Variants in AGMO observed in about 807,000 individuals in gnomAD.
AGMO encodes the protein glyceryl-ether monooxygenase.
A neutral mutation model predicts 60.2 loss-of-function variants in AGMO; 75 were observed. The observed-to-expected ratio is 1.25, with a 90% CI of 1.03 to 1.51. The LOEUF (loss-of-function observed/expected upper bound fraction) is 1.51, where lower values mean the gene tolerates loss of function less well. Ranked by LOEUF, AGMO falls within the 40% of genes most tolerant of loss-of-function variation. The pLI, the probability that AGMO is intolerant of heterozygous loss-of-function variation, is 0.00. For missense variants in AGMO, 763 were observed against 525.5 expected, an observed-to-expected ratio of 1.45 and a Z score of -4.42; for synonymous variants, 261 against 177.1, an observed-to-expected ratio of 1.47 and a Z score of -3.76.
chr7:15,368,578 G>A (rs540088250), intron 10 of AGMO, among the ~76,000 whole-genome samples: 5 of 152,096 alleles, frequency 3.3e-5, no homozygotes, highest in Non-Finnish European at 7.4e-5. Flanking sequence ...ATACGCGTTT[G>A]GCAAGGACTG....
intron 12 of AGMO, among the ~76,000 whole-genome samples, chr7:15,210,871 G>T (rs769067207): frequency 6.6e-6 from 1 of 152,024 alleles, no homozygotes; most frequent in Non-Finnish European, 1.5e-5. Flanking sequence ...AAAAGCAGCA[G>T]AGAAAATATT....
At chr7:15,255,812 A>G (rs1158110142) in intron 12 of AGMO, among the ~76,000 whole-genome samples, 3 of 152,210 alleles carry the variant, frequency 2.0e-5, no homozygotes, top group Non-Finnish European at 4.4e-5. Flanking sequence ...GTAGGTAGGT[A>G]CAGAAAAGGA....
intron 3 of AGMO, among the ~76,000 whole-genome samples, chr7:15,529,061 A>C (rs1562554286): frequency 6.6e-6 from 1 of 152,274 alleles, no homozygotes; most frequent in Non-Finnish European, 1.5e-5. Context: ...GTGGATAAAC[A>C]TTGATTTGAT....
Position 15,306,514 on chromosome 7 carries a change from C to T in AGMO, c.1263+59000G>A, listed in dbSNP as rs190720862. On this transcript the variant is annotated intron_variant, in intron 12 of 12. Coordinates refer to ENST00000342526, the MANE Select transcript of AGMO (RefSeq NM_001004320.2). ...AGACAGTCACTCAAACTTAAAAGTT[C>T]TCCAAAGTTCTCCTTGGCCTGGAGC... is the stretch of plus-strand genomic sequence containing the variant. 217 of 469,576 alleles carry T rather than the reference C, an allele frequency of 4.6e-4. No homozygotes were observed. The Admixed American group carries it at 5.1e-3, about 11-fold the overall frequency. The allele number at this position is 469,576 out of a possible 1,614,324, so 29.1% of individuals were successfully genotyped here.
At chr7:15,346,855 TAAG>T in intron 12 of AGMO, among the ~76,000 whole-genome samples, 1 of 92,848 alleles carries the variant, frequency 1.1e-5, no homozygotes, top group African/African-American at 4.9e-5. Flanking sequence ...AAATTAGTAG[TAAG>T]TAACTATTTT....
chr7:15,198,241 G>GAGAGAGAGAGAGAC (rs1781180408), downstream of AGMO, among the ~76,000 whole-genome samples: 2 of 99,884 alleles, frequency 2.0e-5, no homozygotes, highest in African/African-American at 1.1e-4. Context: ...GAGAGAGAGA[G>GAGAGAGAGAGAGAC]AGAGAGAGAG....
chr7:15,224,688 A>C lies in AGMO; in HGVS notation c.1264-23329T>G, dbSNP rs115805405. On this transcript the variant is annotated intron_variant, in intron 12 of 12. Coordinates refer to ENST00000342526, the MANE Select transcript of AGMO (RefSeq NM_001004320.2). ...TGTCCCTGAAACTCTCTATGCTTGA[A>C]AAATCTTTTGTATTGTTTGAGCACC... Among the ~76,000 whole-genome samples the C allele has an allele frequency of 2.2e-3, 336 of 152,138 alleles. 1 individual carries two copies. The highest frequency in any genetic ancestry group is 7.7e-3 in the African/African-American group (318 of 41,532).
chr7:15,261,566 T>C (rs1056582631), intron 12 of AGMO, among the ~76,000 whole-genome samples: 4 of 152,054 alleles, frequency 2.6e-5, no homozygotes, highest in Non-Finnish European at 5.9e-5. Flanking sequence ...AGCTGAATTC[T>C]ATCAGATATT....
intron 10 of AGMO, among the ~76,000 whole-genome samples, chr7:15,376,751 T>TC (rs1562470125): frequency 1.3e-5 from 2 of 152,074 alleles, no homozygotes; most frequent in Non-Finnish European, 2.9e-5. Flanking sequence ...GTACTCATGA[T>TC]ATCACCCCAG....
chr7:15,379,651 C>G (rs1007498264), intron 10 of AGMO, among the ~76,000 whole-genome samples: 1 of 152,100 alleles, frequency 6.6e-6, no homozygotes, highest in Non-Finnish European at 1.5e-5. Context: ...CAGACAGATT[C>G]ACAGCTGAAT....
intron 12 of AGMO, among the ~76,000 whole-genome samples, chr7:15,361,244 C>T (rs913512896): frequency 5.3e-5 from 8 of 151,254 alleles, no homozygotes; most frequent in African/African-American, 1.9e-4. Flanking sequence ...CTCTCAGTAC[C>T]TATCACAAAA....
At chr7:15,125,414 T>C in the AGMO span, among the ~76,000 whole-genome samples, 5 of 152,086 alleles carry the variant, frequency 3.3e-5, no homozygotes, top group Admixed American at 2.0e-4. Flanking sequence ...AAGAGCCCCA[T>C]AGCTTAATGC....
At chr7:15,166,213 A>G in the AGMO span, among the ~76,000 whole-genome samples, 1 of 150,970 alleles carries the variant, frequency 6.6e-6, no homozygotes, top group Admixed American at 6.6e-5. Context: ...GAGTGAGAAG[A>G]GGAGAGCAGG....
At chr7:15,547,404 A>C (rs1784811308) in intron 2 of AGMO, among the ~76,000 whole-genome samples, 1 of 151,948 alleles carries the variant, frequency 6.6e-6, no homozygotes, top group Non-Finnish European at 1.5e-5. Flanking sequence ...CATCTGAGGT[A>C]CCGGGTTCAT....
the AGMO span, among the ~76,000 whole-genome samples, chr7:15,180,046 G>A: frequency 6.6e-6 from 1 of 152,120 alleles, no homozygotes; most frequent in East Asian, 1.9e-4. Context: ...GTTTGTGATG[G>A]GAGGAAAACC....
intron 12 of AGMO, among the ~76,000 whole-genome samples, chr7:15,350,392 T>C (rs558774753): frequency 6.6e-6 from 1 of 152,292 alleles, no homozygotes; most frequent in South Asian, 2.1e-4. Flanking sequence ...TATCCATCAA[T>C]GTCCTTGGAG....
chr7:15,214,996 T>C (rs2128494934), intron 12 of AGMO, among the ~76,000 whole-genome samples: 1 of 152,226 alleles, frequency 6.6e-6, no homozygotes, highest in Admixed American at 6.6e-5. Context: ...CAACAGAAAT[T>C]TTATTTCAAA....
chr7:15,533,622 A>G (rs918859326), intron 3 of AGMO, among the ~76,000 whole-genome samples: 2 of 152,030 alleles, frequency 1.3e-5, no homozygotes, highest in African/African-American at 4.8e-5. Flanking sequence ...CCTGAGCAGT[A>G]TTTTCACCAT....
intron 10 of AGMO, among the ~76,000 whole-genome samples, chr7:15,367,108 G>C (rs1302393684): frequency 4.0e-5 from 6 of 151,832 alleles, no homozygotes; most frequent in Non-Finnish European, 8.8e-5. Flanking sequence ...TTTGTTTTTG[G>C]ACTCTCAGTC....
Sources: gnomAD v4.1 joint callset for allele counts (sites outside exome capture counted in the v4.1 genomes callset) on GRCh38, gnomAD v4.1.1 for gene constraint, MANE v1.5 for transcripts, NCBI Gene and HGNC (gene_info 2026-07-23, HGNC 2026-07-21) for gene names.